CADPS: variants seen among roughly 807,000 people sequenced by gnomAD.
The protein encoded by CADPS is calcium-dependent secretion activator 1.
Under a neutral mutation model 167.3 loss-of-function variants are expected in CADPS, and 57 were observed. The observed-to-expected ratio is 0.34, with a 90% CI of 0.28 to 0.42. The LOEUF is 0.42. CADPS is among the 20% of genes least tolerant of loss of function. The pLI, the probability that CADPS is intolerant of heterozygous loss-of-function variation, is 1.00. For synonymous variants in CADPS, 676 were observed against 635.3 expected, an observed-to-expected ratio of 1.06 and a Z score of -0.96; for missense variants, 1,414 against 1,738.1, an observed-to-expected ratio of 0.81 and a Z score of 3.32.
intron 3 of CADPS, among the ~76,000 whole-genome samples, chr3:62,705,575 C>A (rs961648965): frequency 1.3e-5 from 2 of 152,106 alleles, no homozygotes; most frequent in Non-Finnish European, 2.9e-5. Flanking sequence ...GCTGCCAGTG[C>A]AGCCAGAATA....
intron 27 of CADPS, among the ~76,000 whole-genome samples, chr3:62,442,237 G>C (rs904893401): frequency 6.7e-6 from 1 of 149,120 alleles, no homozygotes; most frequent in Non-Finnish European, 1.5e-5. Context: ...TTGAGATGGA[G>C]TTTCGCTCTT....
chr3:62,802,427 C>T (rs1287134474), intron 1 of CADPS, among the ~76,000 whole-genome samples: 1 of 152,176 alleles, frequency 6.6e-6, no homozygotes, highest in Non-Finnish European at 1.5e-5. Context: ...AATCTCTAAA[C>T]AGCCTTCATA....
rs1364397989 is a variant in CADPS at position 62,492,238 on chromosome 3, T to G, written c.2884+52A>C. The G allele has an allele frequency of 3.6e-5, 54 of 1,494,540 alleles. 2 individuals carry two copies. The South Asian group carries it at 5.8e-4, about 16-fold the overall frequency. 92.6% of individuals were successfully genotyped at this position (1,494,540 alleles called of 1,614,324 possible). On this transcript the variant is annotated intron_variant, in intron 20 of 29. Transcript: ENST00000383710. ...TTGGGATAAAGACATCTTAGTGATC[T>G]GTTTATCTGCACACTACTTAGGAAA...
At chr3:62,620,135 C>T (rs942571314) in intron 6 of CADPS, among the ~76,000 whole-genome samples, 6 of 151,870 alleles carry the variant, frequency 4.0e-5, no homozygotes, top group Non-Finnish European at 7.4e-5. Flanking sequence ...TTCATTTAAC[C>T]GTATTGGAAA....
chr3:62,562,788 G>A (rs2079409690), intron 9 of CADPS, among the ~76,000 whole-genome samples: 1 of 152,218 alleles, frequency 6.6e-6, no homozygotes, highest in Admixed American at 6.5e-5. Context: ...AGTAGGGTGA[G>A]TAAAACACTT....
chr3:62,519,408 T>G lies in CADPS; in HGVS notation c.2292-1158A>C, dbSNP rs541748553. ...CAATGTACCTCCTGTTACGGGTTAATCAGTCAGCTTTCCTTCTTTTTTGAT... is the reference window on the plus strand; with the variant it reads ...CAATGTACCTCCTGTTACGGGTTAAGCAGTCAGCTTTCCTTCTTTTTTGAT... On this transcript the variant is annotated intron_variant, in intron 13 of 29. Transcript: ENST00000383710. Among the ~76,000 whole-genome samples the G allele has an allele frequency of 3.2e-3, 494 of 152,316 alleles. 4 individuals are homozygous for G. The highest frequency in any genetic ancestry group is 0.011 in the African/African-American group (468 of 41,572).
rs535047974 is a variant in CADPS at position 62,421,894 on chromosome 3, G to A, written c.3777+16210C>T. Among the ~76,000 whole-genome samples, 25 of 152,292 alleles carry A rather than the reference G, an allele frequency of 1.6e-4. No homozygotes were observed. Among genetic ancestry groups the A allele is most frequent in the African/African-American group, 4.1e-4 (17 of 41,570 alleles). ...AGCCGAGGGCAGAAAATAGTATTAC[G>A]CCACGAATGTCTTGGATTAATTTTA... is the stretch of plus-strand genomic sequence containing the variant. On this transcript the variant is annotated intron_variant, in intron 28 of 29. Coordinates refer to ENST00000383710, the MANE Select transcript of CADPS (RefSeq NM_003716.4). The surrounding 1 kb of genome is among the most constrained non-coding windows in gnomAD (Gnocchi z 4.7).
chr3:62,595,946 C>T (rs138995970), intron 6 of CADPS, among the ~76,000 whole-genome samples: 2 of 152,252 alleles, frequency 1.3e-5, no homozygotes, highest in East Asian at 3.9e-4. Context: ...ATGCTTCTTG[C>T]CCTCAAACAT....
Position 62,421,272 on chromosome 3 carries a change from T to C in CADPS, c.3777+16832A>G, listed in dbSNP as rs1390805435. ...CCCCCACCCTTTTGAGGTGACAGAATAAGAAATTAAACACTTGTGGGTTCA... is the reference window on the plus strand; with the variant it reads ...CCCCCACCCTTTTGAGGTGACAGAACAAGAAATTAAACACTTGTGGGTTCA... On this transcript the variant is annotated intron_variant, in intron 28 of 29. Coordinates refer to ENST00000383710, the MANE Select transcript of CADPS (RefSeq NM_003716.4). The surrounding 1 kb of genome is among the most constrained non-coding windows in gnomAD (Gnocchi z 4.7). 7.0e-6 allele frequency among the ~76,000 whole-genome samples: 1 copy of C among 142,122 alleles called. No individual in the cohort carries two copies. Among genetic ancestry groups the C allele is most frequent in the Non-Finnish European group, 1.5e-5 (1 of 65,390 alleles). The allele number at this position is 142,122 out of a possible 152,430, so 93.2% of individuals were successfully genotyped here. A position where few individuals can be genotyped will look rare whatever the true frequency, so the allele number is the denominator to read the frequency against.
At position 62,491,385 on chromosome 3, in the gene CADPS, G is replaced by C; in HGVS notation, c.2980C>G (p.Gln994Glu). 1 of 1,614,160 alleles carries C rather than the reference G, an allele frequency of 6.2e-7. No homozygotes were observed. The highest frequency in any genetic ancestry group is 8.5e-7 in the Non-Finnish European group (1 of 1,179,994). Residue 994 changes from glutamine to glutamate, a missense_variant, in exon 21 of 30, where the codon CAA (glutamine) becomes GAA (glutamate). Transcript: ENST00000383710. Reference sequence around the variant, plus strand: ...CGCTCAAAGCCCCTGTGAATGGATTGTGCAATTGAGGACTCCATCAGATCC... The same window carrying C: ...CGCTCAAAGCCCCTGTGAATGGATTCTGCAATTGAGGACTCCATCAGATCC... ...YVDLMESSIA[Q>E]SIHRGFERES...
At chr3:62,755,366 G>A (rs13313979) in intron 2 of CADPS, among the ~76,000 whole-genome samples, 32,778 of 152,128 alleles carry the variant, frequency 0.22, 3,669 homozygotes, top group Middle Eastern at 0.29. Flanking sequence ...CATGGTTCTG[G>A]GGTGTAATAC....
chr3:62,627,423 G>C lies in CADPS; in HGVS notation c.1325+18299C>G, dbSNP rs569793447. Among the ~76,000 whole-genome samples the C allele has an allele frequency of 1.1e-3, 166 of 152,148 alleles. 1 individual carries two copies. Among genetic ancestry groups the C allele is most frequent in the Admixed American group, 9.7e-3 (148 of 15,280 alleles). ...TTATGATTTAAATCCCCATGGGCAAGCTGTTCTGCCTTCTTTGTTAGAAAG... is the reference window on the plus strand; with the variant it reads ...TTATGATTTAAATCCCCATGGGCAACCTGTTCTGCCTTCTTTGTTAGAAAG... On this transcript the variant is annotated intron_variant, in intron 6 of 29. Coordinates refer to ENST00000383710, the MANE Select transcript of CADPS (RefSeq NM_003716.4).
chr3:62,496,293 T>A (rs2064789217), intron 18 of CADPS, among the ~76,000 whole-genome samples: 1 of 152,060 alleles, frequency 6.6e-6, no homozygotes, highest in Admixed American at 6.6e-5. Flanking sequence ...GCTCAGCACC[T>A]CCCTGGAAGA....
chr3:62,852,632 C>T (rs1054173017), intron 1 of CADPS, among the ~76,000 whole-genome samples: 1 of 151,938 alleles, frequency 6.6e-6, no homozygotes, highest in Middle Eastern at 3.2e-3. Context: ...CCCAGGTGGT[C>T]CCCAGTTTAC....
chr3:62,530,077 C>T (rs1247701559), intron 13 of CADPS, among the ~76,000 whole-genome samples: 1 of 152,060 alleles, frequency 6.6e-6, no homozygotes, highest in Admixed American at 6.6e-5. Flanking sequence ...TTAAAAGTGC[C>T]TTAAAGGTGA....
intron 11 of CADPS, among the ~76,000 whole-genome samples, chr3:62,540,518 T>A (rs756301399): frequency 2.0e-5 from 3 of 152,160 alleles, no homozygotes; most frequent in Non-Finnish European, 2.9e-5. Context: ...GGGATTCAGA[T>A]GGTATCTTGC....
At chr3:62,461,366 C>T (rs1445484782) in intron 26 of CADPS, among the ~76,000 whole-genome samples, 1 of 152,174 alleles carries the variant, frequency 6.6e-6, no homozygotes, top group Non-Finnish European at 1.5e-5. Context: ...CACACAGCTC[C>T]TTGGTAAGGG....
At chr3:62,721,132 TTTAAAAA>T (rs1270831595) in intron 3 of CADPS, among the ~76,000 whole-genome samples, 8 of 113,746 alleles carry the variant, frequency 7.0e-5, no homozygotes, top group Non-Finnish European at 1.1e-4. Flanking sequence ...TTTTTTTTTT[TTTAAAAA>T]AAAAAAGAAG....
intron 10 of CADPS, 69 bp downstream of exon 10, chr3:62,557,336 T>A: frequency 3.8e-6 from 4 of 1,042,988 alleles, no homozygotes; most frequent in Non-Finnish European, 6.1e-6. Context: ...GCCCAGCAAT[T>A]ATTAGTTGAC....
Sources: allele counts gnomAD v4.1 joint callset (sites outside exome capture counted in the v4.1 genomes callset), GRCh38; gene constraint gnomAD v4.1.1; non-coding constraint Gnocchi (gnomAD v3.1); transcripts MANE v1.5; gene names NCBI Gene and HGNC (gene_info 2026-07-23, HGNC 2026-07-21).